The following CATSPERT variants were observed in gnomAD, a reference collection of about 807,000 sequenced individuals.
CATSPERT encodes cation channel sperm-associated targeting subunit tau.
chr2:201,565,725 TTAC>T, the CATSPERT span: 1 of 1,522,474 alleles, frequency 6.6e-7, no homozygotes, highest in Non-Finnish European at 8.7e-7. Flanking sequence ...TTTTTTTTTT[TTAC>T]CTTTCCCGGG....
the CATSPERT span, among the ~76,000 whole-genome samples, chr2:201,531,923 T>G: frequency 6.6e-6 from 1 of 152,144 alleles, no homozygotes; most frequent in South Asian, 2.1e-4. Flanking sequence ...AGGAGTGACA[T>G]GATTTAGATT....
chr2:201,533,912 C>G, the CATSPERT span, among the ~76,000 whole-genome samples: 1,512 of 152,122 alleles, frequency 9.9e-3, 27 homozygotes, highest in African/African-American at 0.034. Context: ...ATTTTGGAAG[C>G]CTTGAGCTGC....
At chr2:201,587,884 T>C in the CATSPERT span, among the ~76,000 whole-genome samples, 1 of 152,102 alleles carries the variant, frequency 6.6e-6, no homozygotes, top group East Asian at 1.9e-4. Context: ...GCAAATAAAC[T>C]AGAAAATCTC....
At chr2:201,581,577 T>C in the CATSPERT span, among the ~76,000 whole-genome samples, 491 of 81,010 alleles carry the variant, frequency 6.1e-3, 65 homozygotes, top group East Asian at 0.014. Context: ...TATATATATA[T>C]ATATATATAT....
At chr2:201,613,033 A>C in the CATSPERT span, among the ~76,000 whole-genome samples, 5 of 152,232 alleles carry the variant, frequency 3.3e-5, no homozygotes, top group East Asian at 9.6e-4. Flanking sequence ...AGGCTTGAGT[A>C]GGTAAACAAA....
At chr2:201,596,710 A>G in the CATSPERT span, among the ~76,000 whole-genome samples, 1 of 152,166 alleles carries the variant, frequency 6.6e-6, no homozygotes, top group Non-Finnish European at 1.5e-5. Context: ...ATTTTGATTG[A>G]CCAGTCTTTC....
At chr2:201,527,761 GTTAGA>G in the CATSPERT span, among the ~76,000 whole-genome samples, 2 of 152,064 alleles carry the variant, frequency 1.3e-5, no homozygotes, top group African/African-American at 2.4e-5. Flanking sequence ...ATCAACTCAA[GTTAGA>G]TTAAAGACTT....
At chr2:201,493,343 T>G in the CATSPERT span, 1 of 1,536,738 alleles carries the variant, frequency 6.5e-7, no homozygotes, top group Non-Finnish European at 8.7e-7. Context: ...CTAACAGAAG[T>G]AGTGTCTTTG....
chr2:201,591,347 T>A, the CATSPERT span, among the ~76,000 whole-genome samples: 6 of 152,218 alleles, frequency 3.9e-5, no homozygotes, highest in Non-Finnish European at 5.9e-5. Flanking sequence ...GATCTATATC[T>A]CTCTTTTGGT....
the CATSPERT span, among the ~76,000 whole-genome samples, chr2:201,526,355 TA>T: frequency 6.6e-6 from 1 of 151,904 alleles, no homozygotes; most frequent in Non-Finnish European, 1.5e-5. Flanking sequence ...CTGTCTCTAC[TA>T]AAAATACAAA....
At chr2:201,511,867 A>C in the CATSPERT span, 24 of 150,760 alleles carry the variant, frequency 1.6e-4, no homozygotes, top group Middle Eastern at 3.4e-3. Context: ...AAAAAAAAAA[A>C]AAAAAACTCT....
chr2:201,495,917 A>G, the CATSPERT span: 3 of 1,597,696 alleles, frequency 1.9e-6, no homozygotes, highest in East Asian at 4.5e-5. Flanking sequence ...TTTGAATTCT[A>G]TATATTCTGG....
the CATSPERT span, chr2:201,537,493 T>TA: frequency 6.4e-7 from 1 of 1,564,980 alleles, no homozygotes; most frequent in African/African-American, 1.4e-5. Flanking sequence ...CTTAAACAAT[T>TA]AATAGGGGTA....
chr2:201,603,213 A>G, the CATSPERT span: 1 of 1,608,344 alleles, frequency 6.2e-7, no homozygotes, highest in East Asian at 2.2e-5. Flanking sequence ...TTAAATCAAA[A>G]GAAAGGATAC....
the CATSPERT span, among the ~76,000 whole-genome samples, chr2:201,502,044 A>T: frequency 1.3e-5 from 2 of 152,146 alleles, no homozygotes; most frequent in African/African-American, 4.8e-5. Flanking sequence ...GAACGGACAT[A>T]TACAATAATT....
At chr2:201,592,874 T>C in the CATSPERT span, among the ~76,000 whole-genome samples, 1 of 152,196 alleles carries the variant, frequency 6.6e-6, no homozygotes, top group East Asian at 1.9e-4. Flanking sequence ...TTCTCTCTTT[T>C]TTTCTTTATT....
the CATSPERT span, among the ~76,000 whole-genome samples, chr2:201,527,969 G>C: frequency 6.6e-6 from 1 of 150,870 alleles, no homozygotes; most frequent in Non-Finnish European, 1.5e-5. Flanking sequence ...AGAGTAAACA[G>C]ACAACTTAAA....
chr2:201,495,836 A>T, the CATSPERT span: 1 of 1,164,566 alleles, frequency 8.6e-7, no homozygotes, highest in Non-Finnish European at 1.2e-6. Flanking sequence ...GAATTAAAGT[A>T]TTGAAGAAAC....
the CATSPERT span, among the ~76,000 whole-genome samples, chr2:201,520,574 A>C: frequency 2.0e-5 from 3 of 152,260 alleles, no homozygotes; most frequent in African/African-American, 7.2e-5. Flanking sequence ...CCACTGCGTG[A>C]AGAAAGAAAT....
Sources: gnomAD v4.1 joint callset for allele counts (sites outside exome capture counted in the v4.1 genomes callset) on GRCh38, gnomAD v4.1.1 for gene constraint, MANE v1.5 for transcripts, NCBI Gene and HGNC (gene_info 2026-07-23, HGNC 2026-07-21) for gene names.